The following SMYD3 variants were observed in gnomAD, a reference collection of about 807,000 sequenced individuals.
The protein encoded by SMYD3 is histone-lysine N-methyltransferase SMYD3.
Under a neutral mutation model 57.7 loss-of-function variants are expected in SMYD3, and 36 were observed. The ratio of observed to expected loss-of-function variants is 0.62; its 90% CI spans 0.48 to 0.82. SMYD3 has a LOEUF of 0.82. Among genes scored for constraint, SMYD3 ranks in the 40% least tolerant of loss-of-function variants. The pLI is 0.00. For synonymous variants in SMYD3, 211 were observed against 195.0 expected (o/e 1.08, Z -0.68); for missense variants, 515 against 538.8 (o/e 0.96, Z 0.44).
intron 10 of SMYD3, among the ~76,000 whole-genome samples, chr1:245,838,920 G>A (rs938997341): frequency 2.0e-5 from 3 of 152,166 alleles, no homozygotes; most frequent in African/African-American, 7.2e-5. Context: ...ATCATCTATG[G>A]GAGGACATCT....
chr1:246,306,503 A>G (rs1031517179), intron 5 of SMYD3, among the ~76,000 whole-genome samples: 2 of 152,222 alleles, frequency 1.3e-5, no homozygotes, highest in Non-Finnish European at 2.9e-5. Context: ...CCTTAACAGC[A>G]TGGTGGAACC....
intron 5 of SMYD3, among the ~76,000 whole-genome samples, chr1:246,214,193 G>C (rs1251458300): frequency 6.6e-6 from 1 of 152,168 alleles, no homozygotes; most frequent in Non-Finnish European, 1.5e-5. Flanking sequence ...AAAGACAAGA[G>C]AGGAGTCTAG....
At chr1:246,049,615 G>A (rs922430193) in intron 5 of SMYD3, among the ~76,000 whole-genome samples, 2 of 152,106 alleles carry the variant, frequency 1.3e-5, no homozygotes, top group African/African-American at 4.8e-5. Flanking sequence ...CATACTATGT[G>A]TTTTAAACAC....
At chr1:246,481,607 T>TATATATATACATAC (rs1156393004) in intron 1 of SMYD3, among the ~76,000 whole-genome samples, 1 of 61,974 alleles carries the variant, frequency 1.6e-5, no homozygotes, top group African/African-American at 4.9e-5. Context: ...TATATATATA[T>TATATATATACATAC]ACACATACAT....
chr1:246,303,067 CACA>C (rs2064919990), intron 5 of SMYD3, among the ~76,000 whole-genome samples: 3 of 152,174 alleles, frequency 2.0e-5, no homozygotes, highest in Admixed American at 1.3e-4. Flanking sequence ...GAGCTCCTAA[CACA>C]ACAATAGCTG....
At chr1:246,399,949 C>A (rs892229528) in intron 1 of SMYD3, among the ~76,000 whole-genome samples, 1 of 152,136 alleles carries the variant, frequency 6.6e-6, no homozygotes, top group Non-Finnish European at 1.5e-5. Context: ...TCCACGTCCT[C>A]AAAACTCTGA....
chr1:245,877,995 A>G (rs2052577659), intron 8 of SMYD3, among the ~76,000 whole-genome samples: 1 of 152,156 alleles, frequency 6.6e-6, no homozygotes, highest in Non-Finnish European at 1.5e-5. Flanking sequence ...AGGGCACGGA[A>G]ACGAAAGGAG....
At position 245,884,461 on chromosome 1, in the gene SMYD3, G is replaced by A. The variant is rs963499626; in HGVS notation, c.814-20575C>T. Among the ~76,000 whole-genome samples, 3 of 152,280 alleles carry A rather than the reference G, an allele frequency of 2.0e-5. No individual in the cohort carries two copies. The Middle Eastern group carries it at 0.01, about 518-fold the overall frequency. ...CATGGGGGTTTTTATAGACAAGCTTGAGGAGGCAGTGTCTGATTTACATAG... is the reference window on the plus strand; with the variant it reads ...CATGGGGGTTTTTATAGACAAGCTTAAGGAGGCAGTGTCTGATTTACATAG... On this transcript the variant is annotated intron_variant, in intron 8 of 11. Coordinates refer to ENST00000490107, the MANE Select transcript of SMYD3 (RefSeq NM_001167740.2).
intron 1 of SMYD3, among the ~76,000 whole-genome samples, chr1:246,435,742 C>T (rs555555301): frequency 2.6e-5 from 4 of 151,708 alleles, no homozygotes; most frequent in African/African-American, 7.3e-5. Context: ...CCAAGAATTC[C>T]AAGGAGAAGA....
At chr1:246,442,594 A>G (rs1429239479) in intron 1 of SMYD3, among the ~76,000 whole-genome samples, 1 of 134,534 alleles carries the variant, frequency 7.4e-6, no homozygotes, top group African/African-American at 2.6e-5. Flanking sequence ...AAGAGAAAAC[A>G]AAGTAAAAGT....
At chr1:246,303,577 T>C (rs1275620546) in intron 5 of SMYD3, among the ~76,000 whole-genome samples, 1 of 152,226 alleles carries the variant, frequency 6.6e-6, no homozygotes, top group Non-Finnish European at 1.5e-5. Flanking sequence ...ACTGTTATTT[T>C]TCATTTCAAA....
intron 9 of SMYD3, among the ~76,000 whole-genome samples, chr1:245,858,875 C>T (rs1020722538): frequency 6.6e-6 from 1 of 152,202 alleles, no homozygotes; most frequent in African/African-American, 2.4e-5. Context: ...TTTACATCAA[C>T]AAACTATCTC....
chr1:246,296,417 G>A (rs973537351), intron 5 of SMYD3, among the ~76,000 whole-genome samples: 1 of 152,106 alleles, frequency 6.6e-6, no homozygotes. Flanking sequence ...CTTTGGCTTC[G>A]ACAATAAATT....
intron 8 of SMYD3, among the ~76,000 whole-genome samples, chr1:245,904,635 C>T (rs372003218): frequency 2.0e-4 from 30 of 152,208 alleles, no homozygotes; most frequent in Middle Eastern, 3.4e-3. Flanking sequence ...GTACTGTTGG[C>T]CTCTAAGTAA....
intron 5 of SMYD3, among the ~76,000 whole-genome samples, chr1:246,129,649 T>C (rs2061559179): frequency 6.6e-6 from 1 of 152,190 alleles, no homozygotes; most frequent in South Asian, 2.1e-4. Flanking sequence ...ATAAAGAGCT[T>C]GTACACATAA....
intron 5 of SMYD3, among the ~76,000 whole-genome samples, chr1:246,110,747 A>G (rs1232653018): frequency 1.3e-5 from 2 of 152,198 alleles, no homozygotes; most frequent in East Asian, 1.9e-4. Flanking sequence ...AGCTGTTTAT[A>G]TTACACATGG....
intron 10 of SMYD3, among the ~76,000 whole-genome samples, chr1:245,785,701 G>C (rs911917940): frequency 3.3e-5 from 5 of 152,030 alleles, no homozygotes; most frequent in African/African-American, 1.2e-4. Flanking sequence ...GAGAGAGCAA[G>C]AGAGAGCGAG....
intron 8 of SMYD3, among the ~76,000 whole-genome samples, chr1:245,874,409 C>T (rs1193384736): frequency 6.6e-6 from 1 of 152,182 alleles, no homozygotes; most frequent in Non-Finnish European, 1.5e-5. Flanking sequence ...ACAATGACAG[C>T]TTCACATAAC....
chr1:246,495,494 A>G (rs2068346688), intron 1 of SMYD3, among the ~76,000 whole-genome samples: 1 of 152,162 alleles, frequency 6.6e-6, no homozygotes, highest in African/African-American at 2.4e-5. Flanking sequence ...TCGAGAACCA[A>G]CGAGTTACAA....
Sources: gnomAD v4.1 joint callset for allele counts (sites outside exome capture counted in the v4.1 genomes callset) on GRCh38, gnomAD v4.1.1 for gene constraint, MANE v1.5 for transcripts, NCBI Gene and HGNC (gene_info 2026-07-23, HGNC 2026-07-21) for gene names.